The following SLK variants were observed in gnomAD, a reference collection of about 807,000 sequenced individuals.
SLK encodes STE20-like serine/threonine-protein kinase.
In SLK, 67 loss-of-function variants were observed where a neutral mutation model predicts 147.7. That is an observed-to-expected ratio of 0.45 (90% CI 0.37 to 0.56). The LOEUF is 0.56. SLK is among the 20% of genes least tolerant of loss of function. The pLI, the probability that SLK is intolerant of heterozygous loss-of-function variation, is 0.00. For missense variants in SLK, 1,136 were observed against 1,438.8 expected (o/e 0.79, Z 3.41); for synonymous variants, 441 against 475.0 (o/e 0.93, Z 0.93).
intron 18 of SLK, among the ~76,000 whole-genome samples, chr10:104,024,247 T>C (rs1269785021): frequency 6.6e-6 from 1 of 152,250 alleles, no homozygotes; most frequent in Non-Finnish European, 1.5e-5. Context: ...AGGAATTTCC[T>C]AATGGGCCTT....
chr10:104,024,724 A>G (rs924739385), intron 18 of SLK, among the ~76,000 whole-genome samples: 8 of 152,098 alleles, frequency 5.3e-5, no homozygotes, highest in African/African-American at 1.7e-4. Context: ...TCACTTCTCC[A>G]CAAAGTCATT....
intron 13 of SLK, 34 bp downstream of exon 13, chr10:104,010,942 A>T (rs886918036): frequency 7.2e-7 from 1 of 1,382,448 alleles, no homozygotes; most frequent in Non-Finnish European, 9.9e-7. Context: ...CTAAAACCAG[A>T]AAGCACCATT....
chr10:103,969,526 G>A (rs1843765549), intron 1 of SLK, among the ~76,000 whole-genome samples: 1 of 152,226 alleles, frequency 6.6e-6, no homozygotes, highest in South Asian at 2.1e-4. Flanking sequence ...GTATAGTGAT[G>A]TGTCTGTTTA....
Position 104,001,438 on chromosome 10 carries a change from C to G in SLK, c.865-6C>G. ...TGTTGAGTATGTTCTTTTTAATGAT[C>G]AACAGCATCCCTTTGTTACTGTTGA... On this transcript the variant is annotated splice_region_variant and splice_polypyrimidine_tract_variant and intron_variant, in intron 7 of 18. Coordinates refer to ENST00000369755, the MANE Select transcript of SLK (RefSeq NM_014720.4). 1 of 1,612,006 alleles carries G rather than the reference C, an allele frequency of 6.2e-7. No individual in the cohort carries two copies. Among genetic ancestry groups the G allele is most frequent in the Non-Finnish European group, 8.5e-7 (1 of 1,178,488 alleles).
Position 103,999,124 on chromosome 10 carries a change from C to T in SLK, c.593C>T (p.Ala198Val). Residue 198 changes from alanine (A) to valine (V), a missense_variant, in exon 6 of 19, where the codon GCT becomes GTT. Around this residue, in one of 6 missense-constraint regions of SLK, gnomAD observed 141 missense variants for 219.3 expected, o/e 0.64. Transcript: ENST00000369755. ...TTAATTATCTGTCTTCATAGGATGG[C>T]TCCTGAAGTAGTCATGTGTGAAACA... is the stretch of plus-strand genomic sequence containing the variant. ...DSFIGTPYWM[A>V]PEVVMCETSK... 6.2e-7 allele frequency: 1 copy of T among 1,606,264 alleles called. No homozygotes were observed. Among genetic ancestry groups the T allele is most frequent in the Non-Finnish European group, 8.5e-7 (1 of 1,176,618 alleles).
At chr10:103,996,800 A>G (rs1250239785) in intron 4 of SLK, among the ~76,000 whole-genome samples, 1 of 152,110 alleles carries the variant, frequency 6.6e-6, no homozygotes, top group Non-Finnish European at 1.5e-5. Context: ...GTTCCCTTGC[A>G]TTGACTTGCT....
intron 1 of SLK, among the ~76,000 whole-genome samples, chr10:103,969,411 C>T (rs1320413983): frequency 2.0e-5 from 3 of 152,178 alleles, no homozygotes; most frequent in Non-Finnish European, 4.4e-5. Context: ...GTTCACATGG[C>T]TATTATAGCA....
chr10:104,023,585 A>G (rs1439132417), intron 18 of SLK, among the ~76,000 whole-genome samples: 2 of 152,078 alleles, frequency 1.3e-5, no homozygotes, highest in African/African-American at 4.8e-5. Context: ...TTTTATTATC[A>G]GTTTGGGCAG....
intron 13 of SLK, among the ~76,000 whole-genome samples, chr10:104,016,268 G>A (rs140963300): frequency 0.022 from 3,314 of 151,658 alleles, 118 homozygotes; most frequent in African/African-American, 0.076. Context: ...GCAGTGAGCC[G>A]AGACCGTGCC....
intron 4 of SLK, among the ~76,000 whole-genome samples, chr10:103,997,764 C>T (rs921381986): frequency 1.3e-5 from 2 of 151,992 alleles, no homozygotes; most frequent in African/African-American, 4.8e-5. Flanking sequence ...TTCTGACTTA[C>T]ATGGCTCTTT....
chr10:103,967,346 C>G lies in SLK; in HGVS notation c.-400C>G, dbSNP rs1293963157. 1 of 150,108 alleles carries G rather than the reference C, an allele frequency of 6.7e-6. No individual in the cohort carries two copies. Among genetic ancestry groups the G allele is most frequent in the Admixed American group, 6.6e-5 (1 of 15,122 alleles). The allele number at this position is 150,108 out of a possible 1,614,324, so 9.3% of individuals were successfully genotyped here. On this transcript the variant is annotated 5_prime_UTR_variant, in exon 1 of 19. Coordinates refer to ENST00000369755, the MANE Select transcript of SLK (RefSeq NM_014720.4). ...GCCTCCGAGGCCGCCGGCCGCTTCTCTCTCCCAGAGTGGCCGCCGCCCCTG... is the reference window on the plus strand; with the variant it reads ...GCCTCCGAGGCCGCCGGCCGCTTCTGTCTCCCAGAGTGGCCGCCGCCCCTG...
rs111408752 is a variant in SLK, at chr10:103,967,582, G to A, written c.-164G>A. ...CCCACCGCGGGCCGGAGCCCGGGTC[G>A]CCGCCCCGCCTTCTCCCGGGACCGC... On this transcript the variant is annotated 5_prime_UTR_variant, in exon 1 of 19. Transcript: ENST00000369755. The A allele has an allele frequency of 4.4e-6, 1 of 225,562 alleles. No individual in the cohort carries two copies. 14.0% of individuals were successfully genotyped at this position (225,562 alleles called of 1,614,324 possible).
At chr10:103,986,941 G>A (rs1339599482) in intron 1 of SLK, among the ~76,000 whole-genome samples, 1 of 152,162 alleles carries the variant, frequency 6.6e-6, no homozygotes, top group Non-Finnish European at 1.5e-5. Flanking sequence ...CTCCCAAAGT[G>A]CTGGGATTAC....
At chr10:103,982,819 T>A (rs1564651901) in intron 1 of SLK, among the ~76,000 whole-genome samples, 1 of 152,198 alleles carries the variant, frequency 6.6e-6, no homozygotes, top group Non-Finnish European at 1.5e-5. Context: ...CATGAAGAGA[T>A]GACCAGAGGA....
chr10:103,980,096 A>G (rs1163671203), intron 1 of SLK, among the ~76,000 whole-genome samples: 1 of 152,168 alleles, frequency 6.6e-6, no homozygotes, highest in Non-Finnish European at 1.5e-5. Flanking sequence ...AGCACCATGT[A>G]CTTTAAAGAC....
At position 104,010,973 on chromosome 10, in the gene SLK, A is replaced by G. The variant is rs909200255; in HGVS notation, c.2877+65A>G. 4.6e-5 allele frequency: 47 copies of G among 1,016,716 alleles called. No homozygotes were observed. The African/African-American group carries it at 4.9e-4, about 11-fold the overall frequency. 63.0% of individuals were successfully genotyped at this position (1,016,716 alleles called of 1,614,324 possible). On this transcript the variant is annotated intron_variant, in intron 13 of 18. Transcript: ENST00000369755. ...CCATTTTCTCACAGCTTGATAAACC[A>G]TGGTTGAAAGGGTAAATTTTAAGTG... is the stretch of plus-strand genomic sequence containing the variant.
chr10:103,967,896 G>A lies in SLK; in HGVS notation c.150+1G>A. 1 of 1,573,058 alleles carries A rather than the reference G, an allele frequency of 6.4e-7. No individual in the cohort carries two copies. The highest frequency in any genetic ancestry group is 1.1e-5 in the South Asian group (1 of 89,662). On this transcript the variant is annotated splice_donor_variant, in intron 1 of 18. Transcript: ENST00000369755. LOFTEE classifies it high-confidence loss of function. ...CGGAGCCTTTGGGAAAGTGTACAAG[G>A]TAAGAGGGGGAAAACGGGAAGTTGT...
chr10:103,984,011 C>T (rs562632447), intron 1 of SLK, among the ~76,000 whole-genome samples: 1 of 152,276 alleles, frequency 6.6e-6, no homozygotes, highest in South Asian at 2.1e-4. Flanking sequence ...GTTGTTACCT[C>T]CCTGATCCTT....
chr10:104,008,299 A>T lies in SLK; in HGVS notation c.2727A>T (p.Gly909=). ...GAGATGAAGCCAAACGCATCAAAGG[A>T]GAACAAGAGAAAGAGTTGTCCAAAT... The part of the protein sequence containing the change: ...RLRDEAKRIK[G]EQEKELSKFQ... Residue 909 remains glycine (G), a synonymous_variant, in exon 12 of 19, where the codon GGA becomes GGT. Coordinates refer to ENST00000369755, the MANE Select transcript of SLK (RefSeq NM_014720.4). The T allele has an allele frequency of 6.2e-7, 1 of 1,613,902 alleles. No homozygotes were observed. The highest frequency in any genetic ancestry group is 8.5e-7 in the Non-Finnish European group (1 of 1,179,890).
Sources: gnomAD v4.1 joint callset for allele counts (sites outside exome capture counted in the v4.1 genomes callset) on GRCh38, gnomAD v4.1.1 for gene constraint, gnomAD v4.1.1 regional missense constraint, MANE v1.5 for transcripts, NCBI Gene and HGNC (gene_info 2026-07-23, HGNC 2026-07-21) for gene names.